The following CRTC3 variants were observed in gnomAD, a reference collection of about 807,000 sequenced individuals.
CRTC3 encodes the protein CREB regulated transcription coactivator 3, also known as CREB-regulated transcription coactivator 3.
Under a neutral mutation model 74.5 loss-of-function variants are expected in CRTC3, and 26 were observed. The ratio of observed to expected loss-of-function variants is 0.35; its 90% CI spans 0.26 to 0.48. The LOEUF (loss-of-function observed/expected upper bound fraction) is 0.48. CRTC3 is among the 20% of genes least tolerant of loss of function. CRTC3 has a pLI of 0.99. For missense variants in CRTC3, 760 were observed against 787.3 expected (o/e 0.97, Z 0.41); for synonymous variants, 377 against 325.8 (o/e 1.16, Z -1.69).
intron 6 of CRTC3, among the ~76,000 whole-genome samples, chr15:90,610,039 A>G (rs548476225): frequency 2.0e-5 from 3 of 152,222 alleles, no homozygotes; most frequent in Non-Finnish European, 4.4e-5. Context: ...ATGTGTTTAC[A>G]TGGGAAAGCC....
At position 90,604,793 on chromosome 15, in the gene CRTC3, A is replaced by G. The variant is rs186242537; in HGVS notation, c.476+346A>G. Among the ~76,000 whole-genome samples, 289 of 152,336 alleles carry G rather than the reference A, an allele frequency of 1.9e-3. 5 individuals are homozygous for G. The highest frequency in any genetic ancestry group is 0.016 in the Admixed American group (242 of 15,298). On this transcript the variant is annotated intron_variant, in intron 5 of 14. Transcript: ENST00000268184. The stretch of plus-strand genomic sequence containing the variant: ...AATACCTGGGAAGCATATGTGCTGA[A>G]TAAACATCAGCTATTATCATGATCA...
At chr15:90,571,277 C>T (rs1445388979) in intron 2 of CRTC3, among the ~76,000 whole-genome samples, 3 of 152,060 alleles carry the variant, frequency 2.0e-5, no homozygotes, top group African/African-American at 7.2e-5. Flanking sequence ...GGATTGTGTC[C>T]GAGTGGTGCC....
At chr15:90,635,613 C>G (rs1454716816) in intron 11 of CRTC3, among the ~76,000 whole-genome samples, 2 of 152,226 alleles carry the variant, frequency 1.3e-5, no homozygotes, top group East Asian at 3.9e-4. Context: ...CCACTGCACT[C>G]CAGCTTGGGT....
At chr15:90,630,179 G>A (rs1293066668) in intron 11 of CRTC3, among the ~76,000 whole-genome samples, 1 of 152,186 alleles carries the variant, frequency 6.6e-6, no homozygotes, top group Non-Finnish European at 1.5e-5. Flanking sequence ...TAAGGCAACT[G>A]AGGGAAACCA....
chr15:90,536,985 A>G (rs1164901229), intron 1 of CRTC3, among the ~76,000 whole-genome samples: 3 of 152,248 alleles, frequency 2.0e-5, no homozygotes, highest in South Asian at 2.1e-4. Context: ...AATTTAATAC[A>G]CTGAATGGGT....
At chr15:90,626,181 A>C (rs773933184) in intron 10 of CRTC3, among the ~76,000 whole-genome samples, 188 bp downstream of exon 10, 12 of 152,178 alleles carry the variant, frequency 7.9e-5, no homozygotes, top group Non-Finnish European at 4.4e-5. Flanking sequence ...GGGTTGATGA[A>C]TTTGGGGCAG....
At chr15:90,614,689 G>T in intron 7 of CRTC3, 1 of 483,596 alleles carries the variant, frequency 2.1e-6, no homozygotes, top group Non-Finnish European at 3.7e-6. Flanking sequence ...ATATGTGGTT[G>T]CATTACAAAG....
intron 2 of CRTC3, among the ~76,000 whole-genome samples, chr15:90,578,357 G>A (rs1366054169): frequency 6.6e-6 from 1 of 152,056 alleles, no homozygotes; most frequent in Admixed American, 6.5e-5. Flanking sequence ...GACCAGCCTG[G>A]CCAACATAGC....
chr15:90,593,751 G>T lies in CRTC3; in HGVS notation c.347G>T (p.Arg116Leu). 6.3e-7 allele frequency: 1 copy of T among 1,599,614 alleles called. No individual in the cohort carries two copies. The highest frequency in any genetic ancestry group is 8.6e-7 in the Non-Finnish European group (1 of 1,168,350). The change falls in exon 3 of 15, where the codon CGA (arginine) becomes CTA (leucine). Residue 116 changes from arginine to leucine, a missense_variant. This residue lies in a region of CRTC3 where 652 missense variants were observed against 635.2 expected (regional missense o/e 1.03). Transcript: ENST00000268184. ...CGAAGGTCTGGGGACAAGCCAGGGC[G>T]ACAAATATCCTTTTTTACTCTTCAA... is the stretch of plus-strand genomic sequence containing the variant. The part of the protein sequence containing the change: ...LHRRSGDKPG[R>L]QFDGSAFGAN...
At chr15:90,611,704 A>C (rs944011375) in intron 6 of CRTC3, among the ~76,000 whole-genome samples, 1 of 152,028 alleles carries the variant, frequency 6.6e-6, no homozygotes, top group African/African-American at 2.4e-5. Context: ...GTATGTCTCA[A>C]ATCTGCCTCT....
chr15:90,576,090 T>C (rs1046716273), intron 2 of CRTC3, among the ~76,000 whole-genome samples: 6 of 152,080 alleles, frequency 3.9e-5, no homozygotes, highest in Non-Finnish European at 7.4e-5. Flanking sequence ...GAGGATAGTA[T>C]TGGGTTCAAG....
At chr15:90,604,093 G>T in intron 4 of CRTC3, 1 of 256,352 alleles carries the variant, frequency 3.9e-6, no homozygotes, top group East Asian at 7.1e-5. Context: ...TTGCCACGGC[G>T]CCCCCTACAT....
At chr15:90,586,959 G>A (rs1056673789) in intron 2 of CRTC3, among the ~76,000 whole-genome samples, 4 of 152,166 alleles carry the variant, frequency 2.6e-5, no homozygotes, top group Non-Finnish European at 5.9e-5. Context: ...CTAACTTAGC[G>A]TGGGCTTATG....
At chr15:90,621,557 A>G (rs1968653925) in intron 9 of CRTC3, among the ~76,000 whole-genome samples, 1 of 152,178 alleles carries the variant, frequency 6.6e-6, no homozygotes, top group Admixed American at 6.5e-5. Context: ...TCCTGACCTC[A>G]GGTGATCCAC....
In CRTC3 at chr15:90,602,355, C is replaced by G. The variant is rs765883322; in HGVS notation, c.383C>G (p.Ser128Cys). The change falls in exon 4 of 15, where the codon TCC (serine) becomes TGC (cysteine). Residue 128 changes from serine to cysteine, a missense_variant. Ser to Cys is a moderately radical substitution (Grantham distance 112, BLOSUM62 -1). This residue lies in a region of CRTC3 where 652 missense variants were observed against 635.2 expected (regional missense o/e 1.03). Coordinates refer to ENST00000268184, the MANE Select transcript of CRTC3 (RefSeq NM_022769.5). The part of the protein sequence containing the change: ...FDGSAFGANY[S>C]SQPLDESWPR... ...GGTAGTGCTTTTGGAGCCAATTATT[C>G]CTCACAGCCTCTGGATGAGAGTTGG... The G allele has an allele frequency of 6.2e-7, 1 of 1,600,314 alleles. No individual in the cohort carries two copies. The highest frequency in any genetic ancestry group is 8.6e-7 in the Non-Finnish European group (1 of 1,168,144).
intron 2 of CRTC3, among the ~76,000 whole-genome samples, chr15:90,548,161 T>C (rs1295946635): frequency 7.7e-6 from 1 of 130,394 alleles, no homozygotes; most frequent in Non-Finnish European, 1.8e-5. Flanking sequence ...AGTGGTAGGA[T>C]TACAGGTGTG....
At position 90,535,487 on chromosome 15, in the gene CRTC3, G is replaced by A. The variant is rs1165682212; in HGVS notation, c.133-4552G>A. On this transcript the variant is annotated intron_variant, in intron 1 of 14. Transcript: ENST00000268184. ...CTGGGTGAAAGGCTAATTGTGAGAC[G>A]TTGAGGAGTGGACGGGGGTGGGGAA... 3.9e-5 allele frequency among the ~76,000 whole-genome samples: 6 copies of A among 152,126 alleles called. No homozygotes were observed. The East Asian group carries it at 7.7e-4, about 20-fold the overall frequency.
At chr15:90,607,191 T>G (rs923460214) in intron 5 of CRTC3, among the ~76,000 whole-genome samples, 187 bp from the exon 6 acceptor site, 1 of 152,140 alleles carries the variant, frequency 6.6e-6, no homozygotes, top group East Asian at 1.9e-4. Flanking sequence ...TATTCTGGAG[T>G]GTGGGCGATC....
rs75141431 is a variant in CRTC3, at chr15:90,569,189, A to G, written c.232-24447A>G. ...TTTCATTTGAAAAATTTTTTTGTAG[A>G]GATAGAGTTTTTCTTTTTGGCCCAG... On this transcript the variant is annotated intron_variant, in intron 2 of 14. Transcript: ENST00000268184. Among the ~76,000 whole-genome samples, 1,181 of 151,846 alleles carry G rather than the reference A, an allele frequency of 7.8e-3. 43 individuals carry two copies. The East Asian group carries it at 0.11, about 15-fold the overall frequency.
Sources: gnomAD v4.1 joint callset for allele counts (sites outside exome capture counted in the v4.1 genomes callset) on GRCh38, gnomAD v4.1.1 for gene constraint, gnomAD v4.1.1 regional missense constraint, MANE v1.5 for transcripts, NCBI Gene and HGNC (gene_info 2026-07-23, HGNC 2026-07-21) for gene names.